Variants in JMJD1C observed in about 807,000 individuals in gnomAD.
The protein encoded by JMJD1C is jumonji domain containing 1C, also known as jumonji domain-containing protein 1C.
JMJD1C carries 31 observed loss-of-function variants against 245.3 expected under a neutral mutation model. The observed-to-expected ratio is 0.13, with a 90% CI of 0.09 to 0.17. The LOEUF is 0.17. Among genes scored for constraint, JMJD1C ranks in the 10% least tolerant of loss-of-function variants. The pLI is 1.00. For missense variants in JMJD1C, 2,691 were observed against 3,000.2 expected (o/e 0.90, Z 2.41); for synonymous variants, 1,057 against 1,017.4 (o/e 1.04, Z -0.74).
At position 63,447,120 on chromosome 10, in the gene JMJD1C, C is replaced by T. The variant is rs551910177; in HGVS notation, c.168+18375G>A. Among the ~76,000 whole-genome samples the T allele has an allele frequency of 1.5e-4, 22 of 151,208 alleles. No individual in the cohort carries two copies. In the East Asian group the frequency reaches 3.1e-3, roughly 21 times the overall value. On this transcript the variant is annotated intron_variant, in intron 1 of 25. Coordinates refer to ENST00000399262, the MANE Select transcript of JMJD1C (RefSeq NM_032776.3). ...CAGTATTTAAATAAAAATTCATCTT[C>T]TCAAGAGACTCTTAACAAGAGGAAG...
intron 2 of JMJD1C, among the ~76,000 whole-genome samples, chr10:63,367,638 A>T (rs1945966803): frequency 6.6e-6 from 1 of 152,236 alleles, no homozygotes; most frequent in Admixed American, 6.5e-5. Context: ...TGCTTAGATA[A>T]GGCCTGAAGA....
At chr10:63,239,194 A>T (rs1428752597) in intron 3 of JMJD1C, among the ~76,000 whole-genome samples, 1 of 152,216 alleles carries the variant, frequency 6.6e-6, no homozygotes, top group Non-Finnish European at 1.5e-5. Context: ...CATACGCAAG[A>T]ATAGATGGGT....
chr10:63,364,027 T>C (rs1274567959), intron 2 of JMJD1C, among the ~76,000 whole-genome samples: 1 of 150,784 alleles, frequency 6.6e-6, no homozygotes, highest in African/African-American at 2.5e-5. Flanking sequence ...GGCTAATTTT[T>C]GTATATATTT....
chr10:63,344,108 G>GTACAGTC (rs1162527117), intron 2 of JMJD1C, among the ~76,000 whole-genome samples: 1 of 152,108 alleles, frequency 6.6e-6, no homozygotes, highest in African/African-American at 2.4e-5. Context: ...CTACGGTAGT[G>GTACAGTC]TACAGTAACA....
chr10:63,280,848 T>A (rs182488576), intron 2 of JMJD1C, among the ~76,000 whole-genome samples: 1 of 152,128 alleles, frequency 6.6e-6, no homozygotes, highest in East Asian at 1.9e-4. Flanking sequence ...AAAAGTAACA[T>A]CTCCCATTTT....
At chr10:63,354,109 G>C (rs973056583) in intron 2 of JMJD1C, among the ~76,000 whole-genome samples, 2 of 152,170 alleles carry the variant, frequency 1.3e-5, no homozygotes, top group South Asian at 2.1e-4. Flanking sequence ...AAAGTGCTGG[G>C]ATTACAGGCA....
intron 2 of JMJD1C, among the ~76,000 whole-genome samples, chr10:63,354,467 A>G (rs1419195129): frequency 1.3e-5 from 2 of 151,942 alleles, no homozygotes; most frequent in Admixed American, 6.6e-5. Context: ...CCAATTTTTC[A>G]TATTTTTTAT....
intron 24 of JMJD1C, among the ~76,000 whole-genome samples, chr10:63,173,092 T>G (rs999327735): frequency 1.3e-5 from 2 of 151,996 alleles, no homozygotes; most frequent in African/African-American, 4.8e-5. Flanking sequence ...GGGAAAAATG[T>G]GAGATACTGA....
chr10:63,358,605 G>A (rs954457067), intron 2 of JMJD1C: 1 of 151,954 alleles, frequency 6.6e-6, no homozygotes, highest in Admixed American at 6.6e-5. Flanking sequence ...TCAGTAATAT[G>A]GTTTTTATTA....
At chr10:63,401,925 G>A (rs1241502012) in intron 1 of JMJD1C, among the ~76,000 whole-genome samples, 9 of 152,018 alleles carry the variant, frequency 5.9e-5, no homozygotes, top group South Asian at 2.1e-4. Flanking sequence ...ACCTGAGGTC[G>A]GGAGTTCGAG....
chr10:63,190,337 G>A (rs55671054), intron 17 of JMJD1C, among the ~76,000 whole-genome samples: 5,056 of 152,074 alleles, frequency 0.033, 216 homozygotes, highest in African/African-American at 0.1. Flanking sequence ...CCAAGTAGCT[G>A]GGATTACAGA....
chr10:63,399,053 G>A (rs973346147), intron 1 of JMJD1C, among the ~76,000 whole-genome samples: 5 of 152,178 alleles, frequency 3.3e-5, no homozygotes, highest in Non-Finnish European at 7.3e-5. Context: ...TTTGAAATCG[G>A]TTGGTATCCT....
intron 1 of JMJD1C, among the ~76,000 whole-genome samples, chr10:63,389,511 G>C (rs1037170471): frequency 2.1e-5 from 3 of 142,192 alleles, no homozygotes; most frequent in African/African-American, 7.9e-5. Flanking sequence ...AATTAGCAAA[G>C]AAACATTAGA....
At chr10:63,198,330 T>C (rs563480477) in intron 12 of JMJD1C, among the ~76,000 whole-genome samples, 183 bp downstream of exon 12, 9 of 152,350 alleles carry the variant, frequency 5.9e-5, no homozygotes, top group Non-Finnish European at 8.8e-5. Context: ...AAATGGTTAA[T>C]TGACTCAATT....
At chr10:63,206,175 T>C (rs1374293915) in intron 10 of JMJD1C, among the ~76,000 whole-genome samples, 2 of 152,356 alleles carry the variant, frequency 1.3e-5, no homozygotes, top group Non-Finnish European at 2.9e-5. Context: ...TATGTGTATG[T>C]GAGCAGAATT....
At chr10:63,259,917 T>C (rs75587544) in intron 3 of JMJD1C, among the ~76,000 whole-genome samples, 2,306 of 152,322 alleles carry the variant, frequency 0.015, 25 homozygotes, top group East Asian at 0.062. Context: ...AACTTTTTTT[T>C]TGAGACAGAG....
chr10:63,319,433 A>G (rs181902880), intron 2 of JMJD1C, among the ~76,000 whole-genome samples: 19 of 150,652 alleles, frequency 1.3e-4, no homozygotes, highest in Admixed American at 5.3e-4. Context: ...TTTTAACTTT[A>G]ACGTATGTTG....
rs1304270705 is a variant in JMJD1C, at chr10:63,300,338, G to C, written c.334-35574C>G. Among the ~76,000 whole-genome samples the C allele has an allele frequency of 2.0e-5, 3 of 152,056 alleles. No homozygotes were observed. The East Asian group carries it at 5.8e-4, about 29-fold the overall frequency. On this transcript the variant is annotated intron_variant, in intron 2 of 25. Transcript: ENST00000399262. ...AATAAGATTAGAGATGAAAATATTT[G>C]TACCAAAAGAAAGGGAAGCTATCTT...
rs1018278054 is a variant in JMJD1C, at chr10:63,322,227, A to T, written c.334-57463T>A. 2.6e-5 allele frequency among the ~76,000 whole-genome samples: 4 copies of T among 152,336 alleles called. No individual in the cohort carries two copies. The East Asian group carries it at 5.8e-4, about 22-fold the overall frequency. ...ATCAATTTACATAAAAGAGAAAAGAATATTATTAAAATGAGTGGATGTCAG... is the reference window on the plus strand; with the variant it reads ...ATCAATTTACATAAAAGAGAAAAGATTATTATTAAAATGAGTGGATGTCAG... On this transcript the variant is annotated intron_variant, in intron 2 of 25. Transcript: ENST00000399262.
Sources: gnomAD v4.1 joint callset for allele counts (sites outside exome capture counted in the v4.1 genomes callset) on GRCh38, gnomAD v4.1.1 for gene constraint, MANE v1.5 for transcripts, NCBI Gene and HGNC (gene_info 2026-07-23, HGNC 2026-07-21) for gene names.